Variants in EXO1 observed in about 807,000 individuals in gnomAD.
EXO1 encodes the protein exonuclease 1.
A neutral mutation model predicts 84.5 loss-of-function variants in EXO1; 69 were observed. That is an observed-to-expected ratio of 0.82 (90% CI 0.67 to 1.00). The LOEUF (loss-of-function observed/expected upper bound fraction) is 1.00. Ranked by LOEUF, EXO1 falls within the 50% of genes least tolerant of loss-of-function variation. The pLI, the probability that EXO1 is intolerant of heterozygous loss-of-function variation, is 0.00. For synonymous variants in EXO1, 373 were observed against 366.1 expected, an observed-to-expected ratio of 1.02 and a Z score of -0.21; for missense variants, 1,045 against 1,000.7, an observed-to-expected ratio of 1.04 and a Z score of -0.60.
chr1:241,877,680 T>C (rs1400302527), intron 12 of EXO1, among the ~76,000 whole-genome samples: 1 of 152,198 alleles, frequency 6.6e-6, no homozygotes, highest in African/African-American at 2.4e-5. Flanking sequence ...AAACTCTCTT[T>C]GCCTCCTCAA....
chr1:241,861,523 C>G (rs1661383231), intron 10 of EXO1, 21 bp downstream of exon 10: 24 of 1,247,436 alleles, frequency 1.9e-5, no homozygotes, highest in Non-Finnish European at 2.8e-5. Context: ...GATGACCACC[C>G]TATGAAAACA....
intron 14 of EXO1, among the ~76,000 whole-genome samples, chr1:241,884,674 T>TGTGTAC (rs67560872): frequency 4.0e-5 from 6 of 149,582 alleles, no homozygotes; most frequent in African/African-American, 1.5e-4. Flanking sequence ...TGTGTGTGTG[T>TGTGTAC]GTGCACGTGC....
At chr1:241,855,857 C>G (rs578202973) in intron 6 of EXO1, among the ~76,000 whole-genome samples, 13 of 152,360 alleles carry the variant, frequency 8.5e-5, no homozygotes, top group East Asian at 1.9e-4. Flanking sequence ...CCGACAGGGC[C>G]GGCCGGCTGC....
chr1:241,854,130 GTTTT>G (rs1301893106), intron 6 of EXO1, among the ~76,000 whole-genome samples: 1 of 151,980 alleles, frequency 6.6e-6, no homozygotes, highest in African/African-American at 2.4e-5. Context: ...AGGTGTTGTG[GTTTT>G]TTTGTTCGTT....
intron 12 of EXO1, 130 bp downstream of exon 12, chr1:241,872,408 GT>G (rs1662167578): frequency 9.8e-7 from 1 of 1,016,480 alleles, no homozygotes; most frequent in Non-Finnish European, 1.5e-6. Flanking sequence ...AGAACGTGCA[GT>G]TTTGTTACAT....
intron 12 of EXO1, among the ~76,000 whole-genome samples, chr1:241,876,106 T>A (rs916238634): frequency 1.3e-5 from 2 of 152,188 alleles, no homozygotes; most frequent in African/African-American, 4.8e-5. Context: ...GTCTTCAAGT[T>A]TGAGACTGTA....
chr1:241,883,516 A>G (rs1662884671), intron 14 of EXO1, among the ~76,000 whole-genome samples: 3 of 152,160 alleles, frequency 2.0e-5, no homozygotes. Flanking sequence ...AAATCCCACC[A>G]TCACATTAGG....
At chr1:241,868,527 A>C (rs1661886317) in intron 11 of EXO1, among the ~76,000 whole-genome samples, 1 of 152,102 alleles carries the variant, frequency 6.6e-6, no homozygotes, top group Non-Finnish European at 1.5e-5. Context: ...CATTAGTCAA[A>C]TGTGGTGACG....
Position 241,881,912 on chromosome 1 carries a change from C to G in EXO1, c.2110-4C>G, listed in dbSNP as rs1662777038. On this transcript the variant is annotated splice_region_variant and splice_polypyrimidine_tract_variant and intron_variant, in intron 13 of 15. Transcript: ENST00000366548. ...TATTTTATTTTTTGATCTGGGGACT[C>G]TAGGAATCTGATTGCAATATTAAGT... 2.7e-6 allele frequency: 4 copies of G among 1,459,052 alleles called. No individual in the cohort carries two copies. Among genetic ancestry groups the G allele is most frequent in the Non-Finnish European group, 2.9e-6 (3 of 1,043,534 alleles). The allele number at this position is 1,459,052 out of a possible 1,614,324, so 90.4% of individuals were successfully genotyped here.
chr1:241,889,795 G>A lies in EXO1; in HGVS notation c.*195G>A, dbSNP rs1663278130. On this transcript the variant is annotated 3_prime_UTR_variant, in exon 16 of 16. Transcript: ENST00000366548. The stretch of plus-strand genomic sequence containing the variant: ...TCAGCTTTTTATATTTTTATAAGAA[G>A]CTAAATAGAAGAATAATTGTATCTC... The A allele has an allele frequency of 1.7e-6, 1 of 594,700 alleles. No homozygotes were observed. 36.8% of individuals were successfully genotyped at this position (594,700 alleles called of 1,614,324 possible).
In EXO1 at chr1:241,858,730, T is replaced by A. The variant is rs376096627; in HGVS notation, c.756+12T>A. ...CAGATATAGTAAAGGTAAGAGTGAT[T>A]TGCTAAGTGTCATATTCAATTTCTG... On this transcript the variant is annotated intron_variant, in intron 8 of 15. Transcript: ENST00000366548. 4.3e-5 allele frequency: 66 copies of A among 1,522,546 alleles called. No homozygotes were observed. Among genetic ancestry groups the A allele is most frequent in the Non-Finnish European group, 5.6e-5 (61 of 1,096,552 alleles). 94.3% of individuals were successfully genotyped at this position (1,522,546 alleles called of 1,614,324 possible). A position where few individuals can be genotyped will look rare whatever the true frequency, so the allele number is the denominator to read the frequency against.
chr1:241,858,743 T>C (rs1194262430), intron 8 of EXO1, 25 bp downstream of exon 8: 2 of 1,424,956 alleles, frequency 1.4e-6, no homozygotes, highest in Non-Finnish European at 2.0e-6. Flanking sequence ...CTAAGTGTCA[T>C]ATTCAATTTC....
intron 11 of EXO1, among the ~76,000 whole-genome samples, chr1:241,870,668 G>T (rs1383455077): frequency 6.6e-6 from 1 of 152,082 alleles, no homozygotes; most frequent in African/African-American, 2.4e-5. Flanking sequence ...CTTAAATGTG[G>T]GTTAACTCAT....
At chr1:241,858,221 A>G (rs1408405327) in intron 7 of EXO1, among the ~76,000 whole-genome samples, 1 of 152,252 alleles carries the variant, frequency 6.6e-6, no homozygotes, top group Non-Finnish European at 1.5e-5. Context: ...TTTGATTATC[A>G]TGACAACCCT....
chr1:241,888,578 A>G (rs1402989045), intron 15 of EXO1, among the ~76,000 whole-genome samples: 3 of 152,222 alleles, frequency 2.0e-5, no homozygotes, highest in Non-Finnish European at 2.9e-5. Flanking sequence ...GGGTTGTGGA[A>G]CATGCTTTGA....
chr1:241,867,145 T>C, intron 11 of EXO1, 90 bp downstream of exon 11: 5 of 927,084 alleles, frequency 5.4e-6, no homozygotes, highest in Non-Finnish European at 8.6e-6. Context: ...GATTTTCTCC[T>C]GTTTTCTCCT....
chr1:241,875,812 A>G (rs377280703), intron 12 of EXO1, among the ~76,000 whole-genome samples: 13 of 152,366 alleles, frequency 8.5e-5, no homozygotes, highest in African/African-American at 3.1e-4. Flanking sequence ...CGGGAGGCGG[A>G]GGTTGCAGTG....
At position 241,879,020 on chromosome 1, in the gene EXO1, A is replaced by G; in HGVS notation, c.1786A>G (p.Thr596Ala). The change falls in exon 13 of 16, where the codon ACC (threonine) becomes GCC (alanine). Residue 596 changes from threonine to alanine, a missense_variant. Coordinates refer to ENST00000366548, the MANE Select transcript of EXO1 (RefSeq NM_130398.4). ...TTTTGAGAGCAGCAAATTTACAAGG[A>G]CCATTTCACCACCCACTTTGGGAAC... ...YSFESSKFTR[T>A]ISPPTLGTLR... The G allele has an allele frequency of 1.2e-6, 2 of 1,614,184 alleles. No homozygotes were observed. The highest frequency in any genetic ancestry group is 1.7e-6 in the Non-Finnish European group (2 of 1,180,040).
At chr1:241,854,125 T>C (rs1439861056) in intron 6 of EXO1, among the ~76,000 whole-genome samples, 1 of 152,048 alleles carries the variant, frequency 6.6e-6, no homozygotes, top group Non-Finnish European at 1.5e-5. Flanking sequence ...GGTTAAGGTG[T>C]TGTGGTTTTT....
Sources: allele counts gnomAD v4.1 joint callset (sites outside exome capture counted in the v4.1 genomes callset), GRCh38; gene constraint gnomAD v4.1.1; transcripts MANE v1.5; gene names NCBI Gene and HGNC (gene_info 2026-07-23, HGNC 2026-07-21).